Variants in EIF4G3 observed in about 807,000 individuals in gnomAD.
EIF4G3 encodes the protein eukaryotic translation initiation factor 4 gamma 3.
A neutral mutation model predicts 186.4 loss-of-function variants in EIF4G3; 34 were observed. The observed-to-expected ratio is 0.18, with a 90% CI of 0.14 to 0.24. EIF4G3 has a LOEUF of 0.24. Ranked by LOEUF, EIF4G3 falls within the 10% of genes least tolerant of loss-of-function variation. The probability of loss-of-function intolerance (pLI) is 1.00; values close to 1 mark genes in which losing one functional copy is unlikely to be tolerated. For missense variants in EIF4G3, 1,536 were observed against 1,948.5 expected (o/e 0.79, Z 3.99); for synonymous variants, 673 against 679.5 (o/e 0.99, Z 0.15).
chr1:20,898,486 T>C (rs2089181451), intron 16 of EIF4G3, among the ~76,000 whole-genome samples: 1 of 152,228 alleles, frequency 6.6e-6, no homozygotes, highest in South Asian at 2.1e-4. Context: ...ACAAAGTTTC[T>C]AAAAACAATA....
intron 29 of EIF4G3, chr1:20,847,844 T>C (rs2071692301): frequency 2.1e-6 from 1 of 471,618 alleles, no homozygotes. Flanking sequence ...CTTCTACTTC[T>C]TCTGAATTTT....
At chr1:21,100,776 G>A (rs538930779) in intron 2 of EIF4G3, among the ~76,000 whole-genome samples, 1 of 152,226 alleles carries the variant, frequency 6.6e-6, no homozygotes, top group East Asian at 1.9e-4. Flanking sequence ...AAAGAGAATT[G>A]TTATGCAACA....
At chr1:20,825,323 G>T in intron 32 of EIF4G3, 125 bp from the exon 33 acceptor site, 1 of 696,220 alleles carries the variant, frequency 1.4e-6, no homozygotes, top group Non-Finnish European at 2.3e-6. Context: ...AAATCAAAAC[G>T]TTTCCAGCAG....
intron 3 of EIF4G3, among the ~76,000 whole-genome samples, chr1:21,059,939 C>T (rs1298742304): frequency 1.3e-5 from 2 of 152,176 alleles, no homozygotes; most frequent in Non-Finnish European, 2.9e-5. Flanking sequence ...TATGTGAATC[C>T]TTGAGGGCCA....
At chr1:20,979,984 C>T (rs956192168) in intron 10 of EIF4G3, among the ~76,000 whole-genome samples, 1 of 152,030 alleles carries the variant, frequency 6.6e-6, no homozygotes, top group Admixed American at 6.6e-5. Context: ...TCTCCTCGCC[C>T]GCCTCGGCCT....
intron 20 of EIF4G3, among the ~76,000 whole-genome samples, chr1:20,879,087 C>T (rs561621188): frequency 1.5e-4 from 23 of 152,282 alleles, no homozygotes; most frequent in Middle Eastern, 3.4e-3. Flanking sequence ...ATCTTTCTTA[C>T]GCTGAATGGG....
At chr1:20,837,639 C>T (rs556341873) in intron 30 of EIF4G3, among the ~76,000 whole-genome samples, 1 of 152,262 alleles carries the variant, frequency 6.6e-6, no homozygotes, top group African/African-American at 2.4e-5. Context: ...GGCTCTTCCA[C>T]AATACTATGG....
chr1:21,173,719 T>C (rs2098039740), intron 2 of EIF4G3, among the ~76,000 whole-genome samples: 1 of 152,162 alleles, frequency 6.6e-6, no homozygotes, highest in Admixed American at 6.5e-5. Context: ...TCTGAACTTA[T>C]TAATTCAATG....
At chr1:20,846,118 G>C (rs1340217121) in intron 29 of EIF4G3, among the ~76,000 whole-genome samples, 1 of 152,152 alleles carries the variant, frequency 6.6e-6, no homozygotes, top group African/African-American at 2.4e-5. Flanking sequence ...TGATGCTAGT[G>C]ATTTTTGCAC....
intron 36 of EIF4G3, among the ~76,000 whole-genome samples, chr1:20,808,912 A>G (rs1389815350): frequency 6.6e-6 from 1 of 152,170 alleles, no homozygotes; most frequent in Admixed American, 6.5e-5. Flanking sequence ...ATTTATATTA[A>G]TGGAGGGAGG....
intron 2 of EIF4G3, among the ~76,000 whole-genome samples, chr1:21,156,145 C>CA (rs59684532): frequency 0.092 from 13,405 of 145,164 alleles, 836 homozygotes; most frequent in East Asian, 0.26. Context: ...AAAAAAACAA[C>CA]AAAAAAAAAC....
At chr1:20,886,153 A>G in intron 19 of EIF4G3, 48 bp downstream of exon 19, 2 of 1,556,320 alleles carry the variant, frequency 1.3e-6, no homozygotes, top group Non-Finnish European at 1.7e-6. Context: ...AGTTAAAACA[A>G]AATCAATATA....
At chr1:20,911,237 A>AAAAACG (rs1481048585) in intron 14 of EIF4G3, among the ~76,000 whole-genome samples, 1 of 152,144 alleles carries the variant, frequency 6.6e-6, no homozygotes, top group Non-Finnish European at 1.5e-5. Context: ...CGAAAAAACG[A>AAAAACG]AAAACCAAAA....
At chr1:20,849,744 A>G (rs1410403036) in intron 28 of EIF4G3, among the ~76,000 whole-genome samples, 2 of 152,232 alleles carry the variant, frequency 1.3e-5, no homozygotes, top group South Asian at 2.1e-4. Context: ...ATTTAGGAAC[A>G]TGATAAACTT....
At chr1:21,135,678 C>T (rs549753486) in intron 2 of EIF4G3, among the ~76,000 whole-genome samples, 2 of 152,286 alleles carry the variant, frequency 1.3e-5, no homozygotes, top group East Asian at 1.9e-4. Context: ...TGTGGTCTTA[C>T]TACTGATGGT....
intron 12 of EIF4G3, among the ~76,000 whole-genome samples, chr1:20,953,903 A>C (rs867103171): frequency 2.6e-5 from 4 of 152,246 alleles, no homozygotes; most frequent in Non-Finnish European, 5.9e-5. Context: ...TTATTGGAAG[A>C]GACACACCCA....
chr1:21,129,385 C>T (rs1318849112), intron 2 of EIF4G3, among the ~76,000 whole-genome samples: 2 of 152,046 alleles, frequency 1.3e-5, no homozygotes, highest in Non-Finnish European at 2.9e-5. Flanking sequence ...TATCAGTTTC[C>T]GAAGTGAATG....
In EIF4G3 at chr1:20,970,738, C is replaced by T. The variant is rs546837396; in HGVS notation, c.592-1142G>A. Among the ~76,000 whole-genome samples, 7 of 152,174 alleles carry T rather than the reference C, an allele frequency of 4.6e-5. No homozygotes were observed. The South Asian group carries it at 1.0e-3, about 23-fold the overall frequency. On this transcript the variant is annotated intron_variant, in intron 11 of 36. Transcript: ENST00000602326. The stretch of plus-strand genomic sequence containing the variant: ...CACCACTTTGGGAGGCTGAGGTGGG[C>T]GGATGACCTGAGGTCAGGAGTTTGA...
At chr1:21,022,170 C>A in intron 4 of EIF4G3, among the ~76,000 whole-genome samples, 1 of 152,116 alleles carries the variant, frequency 6.6e-6, no homozygotes, top group Admixed American at 6.5e-5. Flanking sequence ...CTTTTGCTAC[C>A]TTTCATTTAA....
Sources: gnomAD v4.1 joint callset for allele counts (sites outside exome capture counted in the v4.1 genomes callset) on GRCh38, gnomAD v4.1.1 for gene constraint, MANE v1.5 for transcripts, NCBI Gene and HGNC (gene_info 2026-07-23, HGNC 2026-07-21) for gene names.